Variants in CCDC88C observed in about 807,000 individuals in gnomAD.
CCDC88C encodes the protein coiled-coil and HOOK domain protein 88C, also known as protein Daple.
Under a neutral mutation model 198.8 loss-of-function variants are expected in CCDC88C, and 131 were observed. The observed-to-expected ratio is 0.66, with a 90% CI of 0.57 to 0.76. The LOEUF (loss-of-function observed/expected upper bound fraction) is 0.76, where lower values mean the gene tolerates loss of function less well. Among genes scored for constraint, CCDC88C ranks in the 30% least tolerant of loss-of-function variants. The pLI is 0.00. For synonymous variants in CCDC88C, 1,166 were observed against 1,114.7 expected (o/e 1.05, Z -0.92); for missense variants, 2,553 against 2,631.6 (o/e 0.97, Z 0.65).
At chr14:91,414,928 G>C (rs1040187237) in intron 2 of CCDC88C, among the ~76,000 whole-genome samples, 1 of 152,152 alleles carries the variant, frequency 6.6e-6, no homozygotes, top group Non-Finnish European at 1.5e-5. Context: ...ATGAGCTGGC[G>C]TTTCTCAAAG....
intron 3 of CCDC88C, among the ~76,000 whole-genome samples, chr14:91,364,270 T>G (rs181432217): frequency 6.6e-6 from 1 of 152,308 alleles, no homozygotes; most frequent in African/African-American, 2.4e-5. Context: ...GGTGTGGCAT[T>G]GCAATCCAGG....
intron 25 of CCDC88C, 174 bp from the exon 26 acceptor site, chr14:91,283,691 G>A: frequency 4.7e-6 from 3 of 633,202 alleles, no homozygotes; most frequent in Non-Finnish European, 8.2e-6. Context: ...GCAGGTGGGG[G>A]CAAGAGGGCT....
chr14:91,292,852 G>A (rs1187752924), intron 23 of CCDC88C, among the ~76,000 whole-genome samples: 1 of 152,136 alleles, frequency 6.6e-6, no homozygotes, highest in Admixed American at 6.5e-5. Flanking sequence ...TCTATTTCTG[G>A]AAGCTTCCCT....
chr14:91,402,053 T>C (rs566003432), intron 3 of CCDC88C, among the ~76,000 whole-genome samples: 4 of 152,248 alleles, frequency 2.6e-5, no homozygotes, highest in South Asian at 4.2e-4. Context: ...GGCGGGAGGA[T>C]TGCTTGAGCC....
At chr14:91,368,239 T>C (rs1049948289) in intron 3 of CCDC88C, among the ~76,000 whole-genome samples, 8 of 152,214 alleles carry the variant, frequency 5.3e-5, no homozygotes, top group African/African-American at 1.9e-4. Context: ...GTGGTTTCTC[T>C]GCTAATTCCT....
At chr14:91,331,521 C>T (rs151046904) in intron 10 of CCDC88C, among the ~76,000 whole-genome samples, 84 of 151,850 alleles carry the variant, frequency 5.5e-4, no homozygotes, top group African/African-American at 1.8e-3. Flanking sequence ...TGTGCATGTG[C>T]ACACGTGTGT....
intron 3 of CCDC88C, among the ~76,000 whole-genome samples, chr14:91,405,469 G>A (rs566131377): frequency 1.1e-3 from 169 of 152,242 alleles, no homozygotes; most frequent in Non-Finnish European, 2.0e-3. Context: ...GAGGCCGGGC[G>A]GCAGCTTTAC....
Position 91,281,287 on chromosome 14 carries a change from T to G in CCDC88C, c.4699+170A>C, listed in dbSNP as rs1431011926. Reference sequence around the variant, plus strand: ...TTCCCCACCACTGGAGGTATGTAAGTAGAAGCTACACGCTCAGCCCCCTGG... The same window carrying G: ...TTCCCCACCACTGGAGGTATGTAAGGAGAAGCTACACGCTCAGCCCCCTGG... On this transcript the variant is annotated intron_variant, in intron 27 of 29. Transcript: ENST00000389857. The G allele has an allele frequency of 3.3e-6, 5 of 1,508,502 alleles. No individual in the cohort carries two copies. In the African/African-American group the frequency reaches 4.2e-5, roughly 13 times the overall value. The allele number at this position is 1,508,502 out of a possible 1,614,324, so 93.4% of individuals were successfully genotyped here.
chr14:91,322,733 A>G (rs1432336879), intron 12 of CCDC88C, among the ~76,000 whole-genome samples: 1 of 152,184 alleles, frequency 6.6e-6, no homozygotes, highest in Non-Finnish European at 1.5e-5. Flanking sequence ...CTTTTCTGCA[A>G]CCATCACCAC....
chr14:91,401,588 G>A (rs1886207775), intron 3 of CCDC88C, among the ~76,000 whole-genome samples: 1 of 151,776 alleles, frequency 6.6e-6, no homozygotes. Context: ...GTCTGCCTTG[G>A]CCTCCCAAAG....
At chr14:91,315,423 A>G (rs1892049139) in intron 14 of CCDC88C, among the ~76,000 whole-genome samples, 1 of 152,098 alleles carries the variant, frequency 6.6e-6, no homozygotes, top group South Asian at 2.1e-4. Context: ...GGTCACGACA[A>G]TCAAAAATGT....
chr14:91,291,569 G>C, intron 23 of CCDC88C, among the ~76,000 whole-genome samples: 1 of 147,760 alleles, frequency 6.8e-6, no homozygotes, highest in Non-Finnish European at 1.5e-5. Flanking sequence ...AGCAAACTGA[G>C]AAGCTTTCAG....
intron 2 of CCDC88C, among the ~76,000 whole-genome samples, chr14:91,409,352 A>AT (rs1295900236): frequency 3.3e-5 from 5 of 151,112 alleles, no homozygotes; most frequent in East Asian, 1.9e-4. Context: ...TTTTTTTTTA[A>AT]TTTTTTTTAT....
rs749407359 is a variant in CCDC88C, at chr14:91,320,451, T to C, written c.1527+669A>G. Among the ~76,000 whole-genome samples, 47 of 152,334 alleles carry C rather than the reference T, an allele frequency of 3.1e-4. 1 individual carries two copies. The highest frequency in any genetic ancestry group is 1.2e-3 in the South Asian group (6 of 4,828). On this transcript the variant is annotated intron_variant, in intron 13 of 29. Coordinates refer to ENST00000389857, the MANE Select transcript of CCDC88C (RefSeq NM_001080414.4). ...GCACCACTCCCCGCACCCACCGCCC[T>C]GTGCATCTGTTCTGCCTGTGCGTTG...
chr14:91,281,582 G>T, intron 26 of CCDC88C, 57 bp from the exon 27 acceptor site: 2 of 1,531,722 alleles, frequency 1.3e-6, no homozygotes, highest in Non-Finnish European at 1.8e-6. Context: ...CATCCACAGG[G>T]AACCCCGCCA....
rs1459581014 is a variant in CCDC88C at position 91,375,259 on chromosome 14, C to G, written c.271-15548G>C. On this transcript the variant is annotated intron_variant, in intron 3 of 29. Transcript: ENST00000389857. ...CCCCAGGGTTAGCATGCGCGCGTGT[C>G]TGTGTGTGTGTGTGCGCGCGCGCAT... is the stretch of plus-strand genomic sequence containing the variant. 3.3e-5 allele frequency among the ~76,000 whole-genome samples: 5 copies of G among 151,716 alleles called. No homozygotes were observed. The East Asian group carries it at 5.8e-4, about 18-fold the overall frequency.
chr14:91,294,345 G>C (rs1191512030), intron 22 of CCDC88C, 27 bp from the exon 23 acceptor site: 2 of 1,610,912 alleles, frequency 1.2e-6, no homozygotes, highest in Non-Finnish European at 1.7e-6. Context: ...CAGCGTCTCA[G>C]ACACCATGTG....
intron 3 of CCDC88C, among the ~76,000 whole-genome samples, chr14:91,363,953 C>T (rs1894420534): frequency 6.6e-6 from 1 of 152,272 alleles, no homozygotes; most frequent in South Asian, 2.1e-4. Context: ...GCTGTCCTGC[C>T]AGGGCACCTG....
At chr14:91,306,252 G>A (rs1891554300) in intron 18 of CCDC88C, among the ~76,000 whole-genome samples, 1 of 152,180 alleles carries the variant, frequency 6.6e-6, no homozygotes, top group African/African-American at 2.4e-5. Context: ...ATTTCTGTGA[G>A]CTGGTTCCAT....
Sources: allele counts gnomAD v4.1 joint callset (sites outside exome capture counted in the v4.1 genomes callset), GRCh38; gene constraint gnomAD v4.1.1; transcripts MANE v1.5; gene names NCBI Gene and HGNC (gene_info 2026-07-23, HGNC 2026-07-21).